Variants in ROBO1 observed in about 807,000 individuals in gnomAD.
The protein encoded by ROBO1 is roundabout homolog 1.
ROBO1 carries 149 observed loss-of-function variants against 195.9 expected under a neutral mutation model. The observed-to-expected ratio is 0.76, with a 90% confidence interval of 0.67 to 0.87. The LOEUF (loss-of-function observed/expected upper bound fraction) is 0.87. ROBO1 is among the 40% of genes least tolerant of loss of function. The pLI is 0.00. For missense variants in ROBO1, 1,933 were observed against 2,068.3 expected, an observed-to-expected ratio of 0.93 and a Z score of 1.27; for synonymous variants, 816 against 733.2, an observed-to-expected ratio of 1.11 and a Z score of -1.82.
At chr3:79,502,390 C>T (rs1019008380) in intron 2 of ROBO1, among the ~76,000 whole-genome samples, 1 of 152,170 alleles carries the variant, frequency 6.6e-6, no homozygotes, top group African/African-American at 2.4e-5. Flanking sequence ...AGGGGCTTAG[C>T]ACCTGGGCCA....
chr3:78,738,262 C>G (rs2082439692), intron 5 of ROBO1, among the ~76,000 whole-genome samples: 1 of 151,962 alleles, frequency 6.6e-6, no homozygotes. Flanking sequence ...ATCACACCAA[C>G]AATGGAAATC....
intron 18 of ROBO1, among the ~76,000 whole-genome samples, chr3:78,656,565 A>G (rs532221444): frequency 6.6e-6 from 1 of 151,848 alleles, no homozygotes; most frequent in African/African-American, 2.4e-5. Context: ...GTTAGCCAGG[A>G]TGGTCTCGAT....
chr3:79,694,019 G>C (rs1947371207), intron 1 of ROBO1, among the ~76,000 whole-genome samples: 1 of 151,568 alleles, frequency 6.6e-6, no homozygotes, highest in South Asian at 2.1e-4. Context: ...AAAAGAAGTT[G>C]TAACAAGAAA....
chr3:79,144,381 G>T (rs115616666), intron 2 of ROBO1, among the ~76,000 whole-genome samples: 2,871 of 152,038 alleles, frequency 0.019, 103 homozygotes, highest in African/African-American at 0.064. Flanking sequence ...CTGAGAGCTC[G>T]TTCCTTTTCT....
At chr3:79,327,041 T>C (rs2034242096) in intron 2 of ROBO1, among the ~76,000 whole-genome samples, 1 of 152,152 alleles carries the variant, frequency 6.6e-6, no homozygotes, top group African/African-American at 2.4e-5. Flanking sequence ...ATTGAGTTCA[T>C]GCATACAAAA....
intron 2 of ROBO1, among the ~76,000 whole-genome samples, chr3:79,542,147 T>C (rs1942094782): frequency 6.6e-6 from 1 of 152,008 alleles, no homozygotes; most frequent in Non-Finnish European, 1.5e-5. Flanking sequence ...GAAAATATAA[T>C]GATCTTTCAT....
intron 4 of ROBO1, among the ~76,000 whole-genome samples, chr3:78,870,569 G>C (rs1366731291): frequency 6.6e-6 from 1 of 152,146 alleles, no homozygotes; most frequent in Admixed American, 6.6e-5. Context: ...GAAATTGGTA[G>C]GAATAAAAGG....
At chr3:79,225,581 C>A (rs1357250176) in intron 2 of ROBO1, among the ~76,000 whole-genome samples, 4 of 152,178 alleles carry the variant, frequency 2.6e-5, no homozygotes, top group African/African-American at 4.8e-5. Flanking sequence ...ACTAAGCCTG[C>A]AGCATTCTCA....
chr3:78,906,319 T>C (rs1451545252), intron 4 of ROBO1, among the ~76,000 whole-genome samples: 2 of 152,118 alleles, frequency 1.3e-5, no homozygotes, highest in Non-Finnish European at 2.9e-5. Flanking sequence ...GCCACCTCAA[T>C]GGACAACTAA....
At position 79,718,831 on chromosome 3, in the gene ROBO1, A is replaced by G. The variant is rs146976658; in HGVS notation, c.-51+48921T>C. Reference sequence around the variant, plus strand: ...GGAGAGGAAACTAATGACATTATATATTTATGGCTAAAACTTCAAGCCACT... The same window carrying G: ...GGAGAGGAAACTAATGACATTATATGTTTATGGCTAAAACTTCAAGCCACT... On this transcript the variant is annotated intron_variant, in intron 1 of 30. Transcript: ENST00000464233. Among the ~76,000 whole-genome samples the G allele has an allele frequency of 4.4e-3, 664 of 152,198 alleles. 8 individuals are homozygous for G. Among genetic ancestry groups the G allele is most frequent in the African/African-American group, 0.015 (637 of 41,582 alleles).
chr3:78,641,895 C>G (rs1705982833), intron 21 of ROBO1, among the ~76,000 whole-genome samples: 1 of 152,160 alleles, frequency 6.6e-6, no homozygotes, highest in Admixed American at 6.5e-5. Context: ...CGATTTACAT[C>G]CTAGTTTTCT....
intron 2 of ROBO1, among the ~76,000 whole-genome samples, chr3:79,365,256 T>C (rs2035925975): frequency 6.6e-6 from 1 of 152,184 alleles, no homozygotes; most frequent in Non-Finnish European, 1.5e-5. Flanking sequence ...TTGAGCTTCT[T>C]TCTCACCTGC....
intron 2 of ROBO1, among the ~76,000 whole-genome samples, chr3:79,152,273 A>C (rs2080786231): frequency 6.6e-6 from 1 of 151,888 alleles, no homozygotes; most frequent in Non-Finnish European, 1.5e-5. Flanking sequence ...CATGTAATAA[A>C]GCTTCTATTA....
intron 5 of ROBO1, among the ~76,000 whole-genome samples, chr3:78,735,244 G>A (rs2082368548): frequency 1.3e-5 from 2 of 152,090 alleles, no homozygotes; most frequent in Non-Finnish European, 2.9e-5. Context: ...TTAAAATAAC[G>A]CTTTATAATG....
At chr3:78,955,886 G>C (rs1414809740) in intron 3 of ROBO1, among the ~76,000 whole-genome samples, 3 of 152,130 alleles carry the variant, frequency 2.0e-5, no homozygotes, top group South Asian at 4.1e-4. Flanking sequence ...CAGTACTTCT[G>C]ACATGAGTAA....
At chr3:79,010,666 T>G (rs1166916983) in intron 3 of ROBO1, among the ~76,000 whole-genome samples, 1 of 152,134 alleles carries the variant, frequency 6.6e-6, no homozygotes, top group African/African-American at 2.4e-5. Context: ...TAAAAAGCAA[T>G]GAGCTCTTAA....
intron 2 of ROBO1, among the ~76,000 whole-genome samples, chr3:79,541,938 T>C (rs1342993607): frequency 6.6e-6 from 1 of 151,322 alleles, no homozygotes; most frequent in Non-Finnish European, 1.5e-5. Context: ...ATATAGTAAA[T>C]ATATATAGTG....
At chr3:79,267,463 C>G (rs1279542273) in intron 2 of ROBO1, among the ~76,000 whole-genome samples, 3 of 151,274 alleles carry the variant, frequency 2.0e-5, no homozygotes, top group African/African-American at 7.3e-5. Context: ...TTTACTCCCT[C>G]CATTAGTCTA....
chr3:79,292,639 G>GT (rs1451475772), intron 2 of ROBO1, among the ~76,000 whole-genome samples: 13 of 152,086 alleles, frequency 8.5e-5, no homozygotes, highest in Admixed American at 4.6e-4. Flanking sequence ...ACAAATACGT[G>GT]TTTTTTTCCT....
Sources: gnomAD v4.1 joint callset for allele counts (sites outside exome capture counted in the v4.1 genomes callset) on GRCh38, gnomAD v4.1.1 for gene constraint, MANE v1.5 for transcripts, NCBI Gene and HGNC (gene_info 2026-07-23, HGNC 2026-07-21) for gene names.